LRFN5: variants seen among roughly 807,000 people sequenced by gnomAD.
LRFN5 encodes leucine rich repeat and fibronectin type III domain containing 5.
A neutral mutation model predicts 45.6 loss-of-function variants in LRFN5; 24 were observed. The observed-to-expected ratio is 0.53, with a 90% CI of 0.38 to 0.74. The LOEUF is 0.74. LRFN5 is among the 30% of genes least tolerant of loss of function. The pLI, the probability that LRFN5 is intolerant of heterozygous loss-of-function variation, is 0.00. For missense variants in LRFN5, 776 were observed against 861.5 expected (o/e 0.90, Z 1.24); for synonymous variants, 340 against 313.8 (o/e 1.08, Z -0.88).
At chr14:41,663,200 C>T (rs1299440137) in intron 1 of LRFN5, among the ~76,000 whole-genome samples, 2 of 152,052 alleles carry the variant, frequency 1.3e-5, no homozygotes, top group Admixed American at 6.6e-5. Flanking sequence ...GCCAAACCGC[C>T]GTGCTGTTGA....
At chr14:41,829,435 A>C (rs1282140730) in intron 2 of LRFN5, among the ~76,000 whole-genome samples, 1 of 151,970 alleles carries the variant, frequency 6.6e-6, no homozygotes, top group Non-Finnish European at 1.5e-5. Context: ...TTTAAATAGA[A>C]TTTATGATGA....
rs1465503606 is a variant in LRFN5 at position 41,794,800 on chromosome 14, A to G, written c.-21+27771A>G. The stretch of plus-strand genomic sequence containing the variant: ...TCTAGAATCAGGTAAGCATTGCAGC[A>G]TATAAAAAAATGCATAATCTGCTTC... On this transcript the variant is annotated intron_variant, in intron 2 of 5. Coordinates refer to ENST00000298119, the MANE Select transcript of LRFN5 (RefSeq NM_152447.5). 2.1e-4 allele frequency among the ~76,000 whole-genome samples: 32 copies of G among 152,176 alleles called. 2 individuals carry two copies. The highest frequency in any genetic ancestry group is 2.1e-3 in the Admixed American group (32 of 15,252).
chr14:41,642,507 A>C (rs763591213), intron 1 of LRFN5, among the ~76,000 whole-genome samples: 3 of 152,190 alleles, frequency 2.0e-5, no homozygotes, highest in Non-Finnish European at 4.4e-5. Flanking sequence ...GGTAATGCAT[A>C]GGTCAACTTT....
intron 1 of LRFN5, among the ~76,000 whole-genome samples, chr14:41,667,577 C>T (rs1394743239): frequency 1.3e-5 from 2 of 152,128 alleles, no homozygotes; most frequent in African/African-American, 4.8e-5. Context: ...TTTCCTGAAT[C>T]TATAGATTGC....
At chr14:41,828,294 A>C (rs1366250990) in intron 2 of LRFN5, among the ~76,000 whole-genome samples, 1 of 151,888 alleles carries the variant, frequency 6.6e-6, no homozygotes, top group Non-Finnish European at 1.5e-5. Context: ...GTGTTTTCTC[A>C]AAAAAATAAT....
rs557705389 is a variant in LRFN5 at position 41,762,307 on chromosome 14, A to G, written c.-196-4547A>G. ...TGCTGAACTCTTGCTATTAGAGGAA[A>G]GGAATGATTAGTTGTTCTCGTTTAC... On this transcript the variant is annotated intron_variant, in intron 1 of 5. Coordinates refer to ENST00000298119, the MANE Select transcript of LRFN5 (RefSeq NM_152447.5). Among the ~76,000 whole-genome samples the G allele has an allele frequency of 2.4e-3, 372 of 152,258 alleles. 3 individuals carry two copies. Among genetic ancestry groups the G allele is most frequent in the South Asian group, 0.02 (97 of 4,834 alleles).
intron 1 of LRFN5, among the ~76,000 whole-genome samples, chr14:41,620,530 A>G (rs755989354): frequency 1.8e-4 from 28 of 152,128 alleles, no homozygotes; most frequent in Admixed American, 5.2e-4. Context: ...TTTGTTTTCT[A>G]TTTGGGAAAA....
At chr14:41,643,398 G>A (rs1164803077) in intron 1 of LRFN5, among the ~76,000 whole-genome samples, 1 of 151,992 alleles carries the variant, frequency 6.6e-6, no homozygotes, top group Admixed American at 6.6e-5. Flanking sequence ...ATATTGAAAT[G>A]GAAAATATTT....
At position 41,873,198 on chromosome 14, in the gene LRFN5, C is replaced by T. The variant is rs1890076068; in HGVS notation, c.-20-13408C>T. Among the ~76,000 whole-genome samples, 5 of 152,174 alleles carry T rather than the reference C, an allele frequency of 3.3e-5. No individual in the cohort carries two copies. In the South Asian group the frequency reaches 8.3e-4, roughly 25 times the overall value. On this transcript the variant is annotated intron_variant, in intron 2 of 5. Transcript: ENST00000298119. ...TTGTATTTACAATGAGTGAATAAAA[C>T]TGCATCTTGATCCTATTTTCAGGCA... is the stretch of plus-strand genomic sequence containing the variant.
chr14:41,762,426 T>A (rs1419454717), intron 1 of LRFN5, among the ~76,000 whole-genome samples: 1 of 152,182 alleles, frequency 6.6e-6, no homozygotes, highest in Non-Finnish European at 1.5e-5. Context: ...TGTAAAAGTT[T>A]TCCTATAGCC....
At chr14:41,870,258 G>T (rs10872958) in intron 2 of LRFN5, among the ~76,000 whole-genome samples, 112,664 of 152,028 alleles carry the variant, frequency 0.74, 42,310 homozygotes, top group East Asian at 0.97. Flanking sequence ...AGAGAGGGAA[G>T]CTGCTGTTTG....
intron 2 of LRFN5, among the ~76,000 whole-genome samples, chr14:41,791,971 A>T (rs868340561): frequency 2.0e-5 from 3 of 152,204 alleles, no homozygotes; most frequent in African/African-American, 7.2e-5. Flanking sequence ...ATGCTTTTGC[A>T]GCAAACATGA....
At chr14:41,704,796 C>T (rs1236780824) in intron 1 of LRFN5, among the ~76,000 whole-genome samples, 1 of 151,948 alleles carries the variant, frequency 6.6e-6, no homozygotes, top group East Asian at 1.9e-4. Context: ...AAATAAGTAT[C>T]TTTTAAAGAT....
intron 1 of LRFN5, among the ~76,000 whole-genome samples, chr14:41,703,338 G>A (rs2138728984): frequency 6.6e-6 from 1 of 152,136 alleles, no homozygotes; most frequent in East Asian, 1.9e-4. Flanking sequence ...TGGAAGAGAA[G>A]ATTTCTATAA....
chr14:41,770,369 A>G (rs1886038730), intron 2 of LRFN5, among the ~76,000 whole-genome samples: 1 of 152,144 alleles, frequency 6.6e-6, no homozygotes, highest in Non-Finnish European at 1.5e-5. Context: ...AGAGTTTTTA[A>G]TCATTCCAAC....
chr14:41,754,017 A>G (rs1019269457), intron 1 of LRFN5, among the ~76,000 whole-genome samples: 4 of 152,212 alleles, frequency 2.6e-5, no homozygotes, highest in African/African-American at 9.6e-5. Flanking sequence ...ATCTATTGAG[A>G]TAAACATGTG....
chr14:41,810,771 A>C, intron 2 of LRFN5, among the ~76,000 whole-genome samples: 1 of 152,110 alleles, frequency 6.6e-6, no homozygotes, highest in East Asian at 1.9e-4. Context: ...TAAGATATCA[A>C]TAACACACCC....
intron 1 of LRFN5, among the ~76,000 whole-genome samples, chr14:41,724,481 T>C (rs1883848258): frequency 6.6e-6 from 1 of 152,126 alleles, no homozygotes; most frequent in Non-Finnish European, 1.5e-5. Context: ...TAAAATATAT[T>C]CTAAAATGCT....
At chr14:41,904,045 G>C in intron 5 of LRFN5, 113 bp from the exon 6 acceptor site, 1 of 830,282 alleles carries the variant, frequency 1.2e-6, no homozygotes, top group Non-Finnish European at 1.9e-6. Flanking sequence ...TCCTCCTTGG[G>C]TGCTTACATT....
Sources: gnomAD v4.1 joint callset for allele counts (sites outside exome capture counted in the v4.1 genomes callset) on GRCh38, gnomAD v4.1.1 for gene constraint, MANE v1.5 for transcripts, NCBI Gene and HGNC (gene_info 2026-07-23, HGNC 2026-07-21) for gene names.